DPP6: variants seen among roughly 807,000 people sequenced by gnomAD.
The protein encoded by DPP6 is dipeptidyl peptidase like 6.
A neutral mutation model predicts 122.6 loss-of-function variants in DPP6; 69 were observed. The observed-to-expected ratio is 0.56, with a 90% CI of 0.46 to 0.69. DPP6 has a LOEUF of 0.69. Ranked by LOEUF, DPP6 falls within the 30% of genes least tolerant of loss-of-function variation. DPP6 has a pLI of 0.00. For synonymous variants in DPP6, 418 were observed against 433.1 expected (o/e 0.97, Z 0.43); for missense variants, 928 against 1,116.9 (o/e 0.83, Z 2.41).
At chr7:153,791,973 A>G in the DPP6 span, among the ~76,000 whole-genome samples, 2 of 152,252 alleles carry the variant, frequency 1.3e-5, no homozygotes, top group Non-Finnish European at 2.9e-5. Flanking sequence ...GGGTTTGCCC[A>G]TGTGCTCTCC....
chr7:154,374,249 A>G (rs571522764), intron 1 of DPP6, among the ~76,000 whole-genome samples: 3 of 152,328 alleles, frequency 2.0e-5, no homozygotes, highest in African/African-American at 4.8e-5. Context: ...TTAGGACAGG[A>G]ATAGTAAATA....
At chr7:154,250,934 C>T (rs73165282) in intron 1 of DPP6, among the ~76,000 whole-genome samples, 18,403 of 152,174 alleles carry the variant, frequency 0.12, 1,382 homozygotes, top group Non-Finnish European at 0.17. Flanking sequence ...GTGGGCAGTG[C>T]TGAGATTCAA....
chr7:153,894,296 A>G (rs1217326619), intron 1 of DPP6, among the ~76,000 whole-genome samples: 1 of 152,226 alleles, frequency 6.6e-6, no homozygotes, highest in Non-Finnish European at 1.5e-5. Flanking sequence ...TCAGCAACAT[A>G]GAAGAATTCC....
intron 1 of DPP6, among the ~76,000 whole-genome samples, chr7:154,421,683 G>A (rs286829): frequency 0.14 from 20,858 of 152,136 alleles, 1,554 homozygotes; most frequent in South Asian, 0.17. Context: ...GATCTATGGG[G>A]AGGGTGGTCT....
intron 7 of DPP6, among the ~76,000 whole-genome samples, chr7:154,679,889 G>A (rs918258224): frequency 1.3e-5 from 2 of 152,108 alleles, no homozygotes; most frequent in Non-Finnish European, 1.5e-5. Context: ...ACTACCAAAG[G>A]GACCCTTCAA....
At chr7:153,922,945 C>T (rs148892859) in intron 1 of DPP6, among the ~76,000 whole-genome samples, 128 of 152,372 alleles carry the variant, frequency 8.4e-4, no homozygotes, top group Middle Eastern at 6.8e-3. Flanking sequence ...CAGTCCCTGA[C>T]ATCAGTGATT....
intron 1 of DPP6, among the ~76,000 whole-genome samples, chr7:154,392,596 C>A (rs537099423): frequency 6.6e-6 from 1 of 152,112 alleles, no homozygotes; most frequent in African/African-American, 2.4e-5. Flanking sequence ...GATGTTGGAC[C>A]AATACCTCGT....
chr7:154,204,342 A>T (rs934320144), intron 1 of DPP6, among the ~76,000 whole-genome samples: 1 of 152,152 alleles, frequency 6.6e-6, no homozygotes, highest in African/African-American at 2.4e-5. Context: ...GGAAGTGGGG[A>T]GGGAGTCATG....
At chr7:154,101,487 A>T (rs1330326685) in intron 1 of DPP6, among the ~76,000 whole-genome samples, 3 of 151,710 alleles carry the variant, frequency 2.0e-5, no homozygotes, top group African/African-American at 7.3e-5. Context: ...AAGGCAGGAC[A>T]TTTAGAAGGG....
At chr7:154,456,738 A>AGAGGGAGATTTGAC (rs757755368) in intron 2 of DPP6, among the ~76,000 whole-genome samples, 1 of 113,778 alleles carries the variant, frequency 8.8e-6, no homozygotes, top group African/African-American at 3.0e-5. Flanking sequence ...AGAAGGAAAT[A>AGAGGGAGATTTGAC]AGAATGCTTG....
At chr7:154,265,370 T>C (rs541733839) in intron 1 of DPP6, among the ~76,000 whole-genome samples, 4 of 152,152 alleles carry the variant, frequency 2.6e-5, no homozygotes, top group South Asian at 2.1e-4. Flanking sequence ...TCTTAGATCA[T>C]TGGGCAAAAA....
chr7:154,356,424 C>T (rs558600116), intron 1 of DPP6, among the ~76,000 whole-genome samples: 2 of 152,250 alleles, frequency 1.3e-5, no homozygotes, highest in South Asian at 2.1e-4. Context: ...CTAACTTGGT[C>T]TGGCACAGTG....
At chr7:154,126,332 T>A (rs916549487) in intron 1 of DPP6, among the ~76,000 whole-genome samples, 7 of 152,186 alleles carry the variant, frequency 4.6e-5, no homozygotes, top group Admixed American at 2.0e-4. Context: ...GACCATATAA[T>A]TTTTTATCCA....
chr7:154,874,102 C>T (rs1804649459), intron 19 of DPP6, among the ~76,000 whole-genome samples: 1 of 147,672 alleles, frequency 6.8e-6, no homozygotes, highest in Admixed American at 6.7e-5. Context: ...CACATCTATA[C>T]ACACCCACAC....
chr7:154,319,947 CACCACTGT>C (rs1417362282), intron 1 of DPP6, among the ~76,000 whole-genome samples: 2 of 151,314 alleles, frequency 1.3e-5, no homozygotes, highest in Non-Finnish European at 2.9e-5. Context: ...GCCGAGATCA[CACCACTGT>C]ACTCCAGCCT....
intron 5 of DPP6, among the ~76,000 whole-genome samples, chr7:154,574,845 GTGA>G: frequency 7.7e-6 from 1 of 130,640 alleles, no homozygotes; most frequent in Middle Eastern, 6.4e-3. Flanking sequence ...GTGTACGTGT[GTGA>G]TGTGTGTGGT....
intron 7 of DPP6, among the ~76,000 whole-genome samples, chr7:154,692,271 G>A (rs570090138): frequency 6.6e-6 from 1 of 152,208 alleles, no homozygotes; most frequent in African/African-American, 2.4e-5. Flanking sequence ...TAGCTTTTTC[G>A]ACCTTGAAAC....
chr7:154,801,328 G>A, intron 12 of DPP6, 27 bp from the exon 13 acceptor site: 2 of 1,559,826 alleles, frequency 1.3e-6, no homozygotes, highest in Non-Finnish European at 1.7e-6. Flanking sequence ...TTTTAGTTGT[G>A]GTTTCATCCG....
intron 1 of DPP6, among the ~76,000 whole-genome samples, chr7:154,260,721 A>G (rs1362565060): frequency 6.8e-6 from 1 of 147,734 alleles, no homozygotes; most frequent in Non-Finnish European, 1.5e-5. Flanking sequence ...TTATGTATAT[A>G]TAAAATACAT....
Sources: gnomAD v4.1 joint callset for allele counts (sites outside exome capture counted in the v4.1 genomes callset) on GRCh38, gnomAD v4.1.1 for gene constraint, MANE v1.5 for transcripts, NCBI Gene and HGNC (gene_info 2026-07-23, HGNC 2026-07-21) for gene names.